Variants in MACROD2 observed in about 807,000 individuals in gnomAD.
MACROD2 encodes the protein mono-ADP ribosylhydrolase 2.
MACROD2 carries 36 observed loss-of-function variants against 70.4 expected under a neutral mutation model. The observed-to-expected ratio is 0.51, with a 90% CI of 0.39 to 0.68. The LOEUF (loss-of-function observed/expected upper bound fraction) is 0.68. MACROD2 is among the 30% of genes least tolerant of loss of function. The pLI, the probability that MACROD2 is intolerant of heterozygous loss-of-function variation, is 0.00. For missense variants in MACROD2, 496 were observed against 538.4 expected (o/e 0.92, Z 0.78); for synonymous variants, 172 against 178.8 (o/e 0.96, Z 0.30).
At chr20:15,703,524 C>T (rs1172073200) in intron 8 of MACROD2, among the ~76,000 whole-genome samples, 8 of 152,212 alleles carry the variant, frequency 5.3e-5, no homozygotes, top group African/African-American at 1.9e-4. Flanking sequence ...TCCAAATAAA[C>T]TTTATTGATT....
At chr20:15,598,676 T>G (rs1021749999) in intron 8 of MACROD2, among the ~76,000 whole-genome samples, 5 of 152,230 alleles carry the variant, frequency 3.3e-5, no homozygotes, top group African/African-American at 1.2e-4. Context: ...AAGCTCAAAG[T>G]GGGTGCCCTT....
intron 8 of MACROD2, among the ~76,000 whole-genome samples, chr20:15,746,261 A>T (rs912580433): frequency 8.5e-5 from 13 of 152,116 alleles, no homozygotes; most frequent in African/African-American, 3.1e-4. Context: ...CAGGTGATAG[A>T]TTATTTTTGA....
chr20:15,283,635 G>A (rs1040867153), intron 6 of MACROD2, among the ~76,000 whole-genome samples: 23 of 151,698 alleles, frequency 1.5e-4, no homozygotes, highest in African/African-American at 5.6e-4. Context: ...TCACGCCATT[G>A]CACTCCAGCC....
chr20:14,994,745 G>T (rs192986730), intron 5 of MACROD2, among the ~76,000 whole-genome samples: 4 of 152,264 alleles, frequency 2.6e-5, no homozygotes, highest in Non-Finnish European at 5.9e-5. Flanking sequence ...ATGCAAAAAT[G>T]CCACTGTTTC....
At chr20:14,438,557 C>T (rs896079638) in intron 3 of MACROD2, among the ~76,000 whole-genome samples, 8 of 152,184 alleles carry the variant, frequency 5.3e-5, no homozygotes, top group African/African-American at 1.7e-4. Flanking sequence ...CTTTTCTCCA[C>T]GCCCTTACCA....
At chr20:14,877,560 C>A (rs2073564431) in intron 5 of MACROD2, among the ~76,000 whole-genome samples, 1 of 152,036 alleles carries the variant, frequency 6.6e-6, no homozygotes, top group South Asian at 2.1e-4. Context: ...CCAGCTTTTG[C>A]CCATTTAGTG....
At chr20:14,699,339 G>A (rs1175640084) in intron 5 of MACROD2, among the ~76,000 whole-genome samples, 1 of 152,210 alleles carries the variant, frequency 6.6e-6, no homozygotes, top group African/African-American at 2.4e-5. Context: ...TGTTGTAAAT[G>A]TGTTAAAAGG....
chr20:14,607,301 A>G (rs1982867041), intron 4 of MACROD2, among the ~76,000 whole-genome samples: 1 of 152,138 alleles, frequency 6.6e-6, no homozygotes, highest in African/African-American at 2.4e-5. Flanking sequence ...ATTGATTTCT[A>G]TCAATTCTAT....
chr20:14,874,840 G>A (rs564018616), intron 5 of MACROD2, among the ~76,000 whole-genome samples: 1 of 151,692 alleles, frequency 6.6e-6, no homozygotes, highest in Non-Finnish European at 1.5e-5. Flanking sequence ...GAGTAGCTGG[G>A]ATTACAGGTG....
At chr20:15,301,681 C>T (rs1894446315) in intron 6 of MACROD2, among the ~76,000 whole-genome samples, 1 of 146,658 alleles carries the variant, frequency 6.8e-6, no homozygotes, top group Admixed American at 7.0e-5. Context: ...ATCCTCCTGC[C>T]TCAGCCTCTG....
chr20:14,470,183 C>T (rs1372327258), intron 3 of MACROD2, among the ~76,000 whole-genome samples: 3 of 152,106 alleles, frequency 2.0e-5, no homozygotes, highest in African/African-American at 7.2e-5. Flanking sequence ...CTGTCAGGCT[C>T]CTCTGCTGCA....
At chr20:14,514,152 C>A (rs2085062761) in intron 4 of MACROD2, among the ~76,000 whole-genome samples, 1 of 152,034 alleles carries the variant, frequency 6.6e-6, no homozygotes, top group Admixed American at 6.6e-5. Context: ...GGACCAGGGG[C>A]AGAAGAGAAG....
intron 6 of MACROD2, among the ~76,000 whole-genome samples, chr20:15,419,362 C>A (rs2046197482): frequency 6.6e-6 from 1 of 152,142 alleles, no homozygotes; most frequent in Non-Finnish European, 1.5e-5. Flanking sequence ...CATCCAGGGG[C>A]AGTCCTCTGG....
intron 2 of MACROD2, among the ~76,000 whole-genome samples, chr20:14,067,124 T>TTG (rs1275047474): frequency 5.1e-5 from 3 of 59,178 alleles, no homozygotes; most frequent in Non-Finnish European, 9.0e-5. Context: ...TTTTTTAGTG[T>TTG]TTTTTTTTTT....
At chr20:15,525,233 T>C (rs2047706360) in intron 8 of MACROD2, among the ~76,000 whole-genome samples, 2 of 152,300 alleles carry the variant, frequency 1.3e-5, no homozygotes, top group Middle Eastern at 3.4e-3. Context: ...GCCATTATAA[T>C]GTTATATTTG....
At chr20:14,952,823 A>C (rs2074486589) in intron 5 of MACROD2, among the ~76,000 whole-genome samples, 1 of 152,148 alleles carries the variant, frequency 6.6e-6, no homozygotes, top group Admixed American at 6.6e-5. Context: ...CAATATCTAA[A>C]ATCATCCTTT....
At chr20:14,138,274 A>T (rs904289130) in intron 3 of MACROD2, among the ~76,000 whole-genome samples, 1 of 152,196 alleles carries the variant, frequency 6.6e-6, no homozygotes, top group African/African-American at 2.4e-5. Context: ...TCTGATGGAG[A>T]TGAAATCAGC....
chr20:15,809,150 T>C (rs1471915311), intron 8 of MACROD2, among the ~76,000 whole-genome samples: 1 of 152,210 alleles, frequency 6.6e-6, no homozygotes, highest in South Asian at 2.1e-4. Context: ...CTCCCACTTC[T>C]ACCTTTTAAA....
intron 4 of MACROD2, among the ~76,000 whole-genome samples, chr20:14,678,190 A>G (rs992484658): frequency 3.3e-5 from 5 of 152,154 alleles, no homozygotes; most frequent in Non-Finnish European, 7.4e-5. Flanking sequence ...TTCAGCCTGC[A>G]GACAATGGAA....
Sources: gnomAD v4.1 joint callset for allele counts (sites outside exome capture counted in the v4.1 genomes callset) on GRCh38, gnomAD v4.1.1 for gene constraint, MANE v1.5 for transcripts, NCBI Gene and HGNC (gene_info 2026-07-23, HGNC 2026-07-21) for gene names.